The following DNAH5 variants were observed in gnomAD, a reference collection of about 807,000 sequenced individuals.
The protein encoded by DNAH5 is axonemal beta dynein heavy chain 5.
In DNAH5, 372 loss-of-function variants were observed where a neutral mutation model predicts 518.2. That is an observed-to-expected ratio of 0.72 (90% CI 0.66 to 0.78). The LOEUF is 0.78. DNAH5 is among the 30% of genes least tolerant of loss of function. The pLI is 0.00. For synonymous variants in DNAH5, 2,039 were observed against 2,025.9 expected, an observed-to-expected ratio of 1.01 and a Z score of -0.17; for missense variants, 5,523 against 5,687.0, an observed-to-expected ratio of 0.97 and a Z score of 0.93.
chr5:13,890,964 G>C lies in DNAH5; in HGVS notation c.2577+12C>G. The stretch of plus-strand genomic sequence containing the variant: ...AAAAACCTTAAACAAAAAAAATCAA[G>C]GTTTTAATGACCTTTGTCATTTGGA... On this transcript the variant is annotated intron_variant, in intron 17 of 78. Transcript: ENST00000265104. The C allele has an allele frequency of 6.2e-7, 1 of 1,613,792 alleles. No homozygotes were observed. Among genetic ancestry groups the C allele is most frequent in the Non-Finnish European group, 8.5e-7 (1 of 1,179,898 alleles).
At position 13,865,767 on chromosome 5, in the gene DNAH5, T is replaced by A. The variant is rs1461680859; in HGVS notation, c.4256A>T (p.Tyr1419Phe). The change falls in exon 27 of 79, where the codon TAC becomes TTC. Residue 1419 changes from tyrosine (Y) to phenylalanine (F), a missense_variant. Physicochemically the swap from Tyr to Phe is conservative, Grantham distance 22. Around this residue, in one of 3 missense-constraint regions of DNAH5, gnomAD observed 5,121 missense variants for 5,223.3 expected, o/e 0.98. Coordinates refer to ENST00000265104, the MANE Select transcript of DNAH5 (RefSeq NM_001369.3). ...ATTTACAGTTTCTATGACACTGTTG[T>A]ACAGAGTATATATTTTCTGTAGAAG... is the stretch of plus-strand genomic sequence containing the variant. ...LNLLQKIYTLYNSVIETVNSY... is the reference protein window; with the variant it reads ...LNLLQKIYTLFNSVIETVNSY... 1 of 1,608,916 alleles carries A rather than the reference T, an allele frequency of 6.2e-7. No homozygotes were observed. Among genetic ancestry groups the A allele is most frequent in the African/African-American group, 1.3e-5 (1 of 74,832 alleles).
intron 12 of DNAH5, among the ~76,000 whole-genome samples, chr5:13,907,348 T>C (rs187800831): frequency 4.7e-4 from 71 of 152,176 alleles, no homozygotes; most frequent in African/African-American, 1.7e-3. Context: ...GGAGAATCGC[T>C]TGAACCCGGG....
chr5:13,713,345 CGACATATATATACT>C (rs1390370832), intron 75 of DNAH5, among the ~76,000 whole-genome samples: 34 of 114,858 alleles, frequency 3.0e-4, no homozygotes, highest in South Asian at 5.8e-4. Context: ...ATATATATAC[CGACATATATATACT>C]GACATATATA....
chr5:13,793,764 C>T (rs752348435), intron 48 of DNAH5, 36 bp from the exon 49 acceptor site: 35 of 1,600,770 alleles, frequency 2.2e-5, no homozygotes, highest in Middle Eastern at 3.4e-4. Flanking sequence ...AAGCATCATT[C>T]CTTTCTATCC....
intron 41 of DNAH5, 30 bp from the exon 42 acceptor site, chr5:13,817,724 T>A (rs753440334): frequency 6.2e-7 from 1 of 1,611,626 alleles, no homozygotes; most frequent in South Asian, 1.1e-5. Context: ...ATTTTAGACA[T>A]CTCAGATGGG....
intron 36 of DNAH5, 63 bp from the exon 37 acceptor site, chr5:13,830,276 G>T: frequency 6.9e-7 from 1 of 1,447,120 alleles, no homozygotes; most frequent in South Asian, 1.2e-5. Flanking sequence ...CAAGAAAAAG[G>T]ATATTATGTA....
At chr5:13,922,601 C>T (rs575121308) in intron 4 of DNAH5, among the ~76,000 whole-genome samples, 1 of 151,942 alleles carries the variant, frequency 6.6e-6, no homozygotes, top group South Asian at 2.1e-4. Flanking sequence ...GTGGCAGGCA[C>T]CTGTAATCCC....
rs527959193 is a variant in DNAH5, at chr5:13,904,538, T to C, written c.1645-2400A>G. Reference sequence around the variant, plus strand: ...ATATGGATTCTATGTATGTGGATTATGTGTGTGTGTGTGTTTGTATTATAC... The same window carrying C: ...ATATGGATTCTATGTATGTGGATTACGTGTGTGTGTGTGTTTGTATTATAC... On this transcript the variant is annotated intron_variant, in intron 12 of 78. Transcript: ENST00000265104. Among the ~76,000 whole-genome samples the C allele has an allele frequency of 1.2e-3, 173 of 140,484 alleles. 2 individuals are homozygous for C. The highest frequency in any genetic ancestry group is 4.9e-3 in the African/African-American group (165 of 33,896). The allele number at this position is 140,484 out of a possible 152,430, so 92.2% of individuals were successfully genotyped here. A position where few individuals can be genotyped will look rare whatever the true frequency, so the allele number is the denominator to read the frequency against.
chr5:13,956,047 A>C (rs893357332), intron 1 of DNAH5, among the ~76,000 whole-genome samples: 2 of 152,104 alleles, frequency 1.3e-5, no homozygotes, highest in African/African-American at 4.8e-5. Flanking sequence ...GGGGTGGTAC[A>C]TGCTCTTCCC....
chr5:14,003,178 C>CTATAAATTA (rs2152085150), intron 1 of DNAH5, among the ~76,000 whole-genome samples: 1 of 152,246 alleles, frequency 6.6e-6, no homozygotes, highest in South Asian at 2.1e-4. Context: ...TGATCTATTT[C>CTATAAATTA]TATAAATTAT....
chr5:14,004,910 T>C (rs1238603232), intron 1 of DNAH5, among the ~76,000 whole-genome samples: 1 of 152,168 alleles, frequency 6.6e-6, no homozygotes, highest in African/African-American at 2.4e-5. Context: ...GATCACCTCC[T>C]AACTTGTCTC....
intron 15 of DNAH5, 185 bp downstream of exon 15, chr5:13,900,021 G>A: frequency 1.7e-6 from 1 of 599,042 alleles, no homozygotes; most frequent in Non-Finnish European, 2.9e-6. Flanking sequence ...TCTCATCTTG[G>A]CCTGCAAGAC....
rs374248199 is a variant in DNAH5, at chr5:13,864,431, T to C, written c.4562A>G (p.Glu1521Gly). The change falls in exon 28 of 79, where the codon GAG becomes GGG. Residue 1521 changes from glutamate to glycine, a missense_variant. Physicochemically the swap from Glu to Gly is moderately conservative, Grantham distance 98. This residue lies in a region of DNAH5 where 5,121 missense variants were observed against 5,223.3 expected (regional missense o/e 0.98). Transcript: ENST00000265104. ...NESFKLRNIM[E>G]APLLKYKEEI... ...CTCTTTATATTTCAGAAGAGGTGCCTCCATGATATTTCTTAACTTAAAGCT... is the reference window on the plus strand; with the variant it reads ...CTCTTTATATTTCAGAAGAGGTGCCCCCATGATATTTCTTAACTTAAAGCT... The C allele has an allele frequency of 8.1e-6, 13 of 1,614,122 alleles. No individual in the cohort carries two copies. In the African/African-American group the frequency reaches 1.6e-4, roughly 20 times the overall value.
chr5:13,833,420 C>T (rs1249712066), intron 35 of DNAH5, among the ~76,000 whole-genome samples: 1 of 136,032 alleles, frequency 7.4e-6, no homozygotes, highest in African/African-American at 2.9e-5. Context: ...GCCTGGGCAA[C>T]AGAGTGAGTG....
intron 21 of DNAH5, among the ~76,000 whole-genome samples, chr5:13,879,841 G>A (rs572285444): frequency 3.3e-5 from 5 of 151,390 alleles, no homozygotes; most frequent in African/African-American, 1.2e-4. Context: ...AACAACTTAT[G>A]CATTATTGGC....
At chr5:13,720,968 G>C (rs770530534) in intron 71 of DNAH5, 32 bp downstream of exon 71, 1 of 1,613,940 alleles carries the variant, frequency 6.2e-7, no homozygotes. Flanking sequence ...AATATGAACA[G>C]CATGGCACAA....
intron 21 of DNAH5, among the ~76,000 whole-genome samples, chr5:13,877,199 CAGCCTGGGCTTGG>C (rs1213530317): frequency 6.6e-6 from 1 of 152,272 alleles, no homozygotes; most frequent in South Asian, 2.1e-4. Flanking sequence ...CTGGAAGGGC[CAGCCTGGGCTTGG>C]AGCTCCTTAG....
chr5:13,852,998 C>T (rs1767107673), intron 30 of DNAH5, among the ~76,000 whole-genome samples: 1 of 152,240 alleles, frequency 6.6e-6, no homozygotes, highest in Admixed American at 6.5e-5. Context: ...AGCAGATCTC[C>T]CAGCACAGGG....
chr5:13,899,397 C>T (rs1774297283), intron 15 of DNAH5: 1 of 152,298 alleles, frequency 6.6e-6, no homozygotes, highest in African/African-American at 2.4e-5. Context: ...CCTAAGAGAT[C>T]TCATCCAGGA....
Sources: gnomAD v4.1 joint callset for allele counts (sites outside exome capture counted in the v4.1 genomes callset) on GRCh38, gnomAD v4.1.1 for gene constraint, gnomAD v4.1.1 regional missense constraint, MANE v1.5 for transcripts, NCBI Gene and HGNC (gene_info 2026-07-23, HGNC 2026-07-21) for gene names.